Variants in TC2N observed in about 807,000 individuals in gnomAD.
TC2N encodes the protein tandem C2 domains, nuclear, also known as tandem C2 domains nuclear protein.
A neutral mutation model predicts 61.9 loss-of-function variants in TC2N; 51 were observed. The ratio of observed to expected loss-of-function variants is 0.82; its 90% CI spans 0.66 to 1.04. The LOEUF (loss-of-function observed/expected upper bound fraction) is 1.04, where lower values mean the gene tolerates loss of function less well. TC2N is among the 50% of genes least tolerant of loss of function. TC2N has a pLI of 0.00. For synonymous variants in TC2N, 204 were observed against 192.6 expected (o/e 1.06, Z -0.49); for missense variants, 556 against 566.7 (o/e 0.98, Z 0.19).
At chr14:91,812,278 A>G (rs372247904) in intron 3 of TC2N, 34 bp downstream of exon 3, 1 of 1,227,614 alleles carries the variant, frequency 8.1e-7, no homozygotes, top group Non-Finnish European at 1.1e-6. Context: ...AATGCTACAT[A>G]TCGATTTTTA....
chr14:91,828,293 T>C (rs919956370), intron 1 of TC2N, among the ~76,000 whole-genome samples: 26 of 152,110 alleles, frequency 1.7e-4, no homozygotes, highest in African/African-American at 6.3e-4. Flanking sequence ...TATCAACTCA[T>C]AGTCAAACTT....
chr14:91,834,003 G>A (rs1035627107), intron 1 of TC2N, among the ~76,000 whole-genome samples: 1 of 152,122 alleles, frequency 6.6e-6, no homozygotes, highest in African/African-American at 2.4e-5. Context: ...TTTTTCCCCT[G>A]AATGCATAAT....
At chr14:91,785,125 T>C in intron 11 of TC2N, 37 bp downstream of exon 11, 1 of 1,451,938 alleles carries the variant, frequency 6.9e-7, no homozygotes, top group Non-Finnish European at 9.6e-7. Flanking sequence ...TTTAAATGCA[T>C]AGAAAAATAT....
chr14:91,854,566 AG>A (rs965064556), intron 1 of TC2N, among the ~76,000 whole-genome samples: 4 of 152,066 alleles, frequency 2.6e-5, no homozygotes, highest in Admixed American at 2.6e-4. Context: ...TCCTATTTGA[AG>A]ATGCAAAAGA....
At chr14:91,797,966 T>C in intron 7 of TC2N, 65 bp from the exon 8 acceptor site, 1 of 1,061,552 alleles carries the variant, frequency 9.4e-7, no homozygotes, top group South Asian at 1.4e-5. Flanking sequence ...ATTTGATGTA[T>C]TTCTTGAGGT....
intron 1 of TC2N, among the ~76,000 whole-genome samples, chr14:91,827,581 A>C (rs1004668390): frequency 6.6e-6 from 1 of 152,232 alleles, no homozygotes; most frequent in Non-Finnish European, 1.5e-5. Flanking sequence ...ACATTAGGCC[A>C]ACCTGGATAC....
intron 1 of TC2N, among the ~76,000 whole-genome samples, chr14:91,836,765 A>T (rs1330888547): frequency 1.3e-5 from 2 of 152,082 alleles, no homozygotes; most frequent in African/African-American, 4.8e-5. Context: ...AAGGTGTAAA[A>T]TGCCGCCAGG....
chr14:91,783,271 CAGTT>C lies in TC2N; in HGVS notation c.1363-65_1363-62del, dbSNP rs373988082. The C allele has an allele frequency of 1.6e-4, 140 of 892,176 alleles. No individual in the cohort carries two copies. In the African/African-American group the frequency reaches 2.0e-3, roughly 12 times the overall value. 55.3% of individuals were successfully genotyped at this position (892,176 alleles called of 1,614,324 possible). ...CACAATAATAATAACTACATTCAGA[CAGTT>C]AGTTACTCTTACTGATGGAAGAAAT... On this transcript the variant is annotated intron_variant, in intron 11 of 11. Transcript: ENST00000435962.
At chr14:91,836,786 G>A (rs1888044377) in intron 1 of TC2N, among the ~76,000 whole-genome samples, 2 of 152,214 alleles carry the variant, frequency 1.3e-5, no homozygotes, top group South Asian at 4.1e-4. Flanking sequence ...TGTGGGGTGT[G>A]TTTTGGGAGA....
chr14:91,793,637 T>C (rs954921466), intron 8 of TC2N, among the ~76,000 whole-genome samples: 6 of 152,190 alleles, frequency 3.9e-5, no homozygotes, highest in Admixed American at 3.9e-4. Context: ...CTATTGTAAT[T>C]GTTTTGGAGT....
chr14:91,859,034 A>G (rs1234665009), intron 1 of TC2N, among the ~76,000 whole-genome samples: 1 of 152,148 alleles, frequency 6.6e-6, no homozygotes, highest in East Asian at 1.9e-4. Context: ...ATATCCCAGT[A>G]TCTGGAGCCA....
At chr14:91,799,273 A>G (rs1056302079) in intron 5 of TC2N, among the ~76,000 whole-genome samples, 7 of 151,836 alleles carry the variant, frequency 4.6e-5, no homozygotes, top group African/African-American at 1.5e-4. Flanking sequence ...TTACAAGATG[A>G]TATACTGGAA....
At chr14:91,825,692 G>A (rs985611413) in intron 1 of TC2N, among the ~76,000 whole-genome samples, 6 of 152,100 alleles carry the variant, frequency 3.9e-5, no homozygotes, top group African/African-American at 1.4e-4. Flanking sequence ...GCTTCTTGCT[G>A]TCTCTAGTTT....
rs1888726182 is a variant in TC2N at position 91,867,437 on chromosome 14, G to A, written c.-232C>T. On this transcript the variant is annotated 5_prime_UTR_variant, in exon 1 of 12. Transcript: ENST00000435962. ...TTTGCTTTTCGGAGCCGAGCTGAGTGAGTCCCAAGGGAATCACCCTCTGTT... is the reference window on the plus strand; with the variant it reads ...TTTGCTTTTCGGAGCCGAGCTGAGTAAGTCCCAAGGGAATCACCCTCTGTT... The A allele has an allele frequency of 6.6e-6, 1 of 152,190 alleles. No homozygotes were observed. The highest frequency in any genetic ancestry group is 1.5e-5 in the Non-Finnish European group (1 of 68,068). 9.4% of individuals were successfully genotyped at this position (152,190 alleles called of 1,614,324 possible). A position where few individuals can be genotyped will look rare whatever the true frequency, so the allele number is the denominator to read the frequency against.
Position 91,800,343 on chromosome 14 carries a change from C to A in TC2N, c.499G>T (p.Gly167Cys). Residue 167 changes from glycine (G) to cysteine (C), a missense_variant, in exon 5 of 12, where the codon GGT becomes TGT. Coordinates refer to ENST00000435962, the MANE Select transcript of TC2N (RefSeq NM_001128596.3). ...VCDLRTNKLP[G>C]SPGLSKSMFD... is the part of the protein sequence containing the mutation. ...ATAGATTTGCTTAGCCCAGGGGAAC[C>A]GGGAAGTTTGTTCGTCCTTAAATCA... The A allele has an allele frequency of 6.2e-7, 1 of 1,602,352 alleles. No individual in the cohort carries two copies. The highest frequency in any genetic ancestry group is 8.5e-7 in the Non-Finnish European group (1 of 1,173,668).
At chr14:91,787,336 G>A (rs556319679) in intron 10 of TC2N, among the ~76,000 whole-genome samples, 177 bp downstream of exon 10, 1 of 152,202 alleles carries the variant, frequency 6.6e-6, no homozygotes, top group East Asian at 1.9e-4. Flanking sequence ...AGAGACCACT[G>A]TATTAAGGTA....
chr14:91,790,515 A>G (rs1031820081), intron 9 of TC2N, among the ~76,000 whole-genome samples: 2 of 152,206 alleles, frequency 1.3e-5, no homozygotes, highest in African/African-American at 2.4e-5. Context: ...CTATAACCCT[A>G]GCACCTGGCA....
chr14:91,815,081 A>C (rs373656645), intron 1 of TC2N, among the ~76,000 whole-genome samples: 11 of 151,704 alleles, frequency 7.3e-5, no homozygotes, highest in African/African-American at 2.7e-4. Context: ...ACTAGGAGAA[A>C]TGGAGATGAA....
intron 1 of TC2N, among the ~76,000 whole-genome samples, chr14:91,845,136 G>C (rs1278266804): frequency 6.6e-6 from 1 of 152,000 alleles, no homozygotes; most frequent in Non-Finnish European, 1.5e-5. Flanking sequence ...GCTGAAGCAG[G>C]AGAATCACTT....
Sources: allele counts gnomAD v4.1 joint callset (sites outside exome capture counted in the v4.1 genomes callset), GRCh38; gene constraint gnomAD v4.1.1; transcripts MANE v1.5; gene names NCBI Gene and HGNC (gene_info 2026-07-23, HGNC 2026-07-21).